LRRC4C: variants seen among roughly 807,000 people sequenced by gnomAD.
LRRC4C encodes the protein leucine rich repeat containing 4C, also known as leucine-rich repeat-containing protein 4C.
In LRRC4C, 5 loss-of-function variants were observed where a neutral mutation model predicts 33.6. That is an observed-to-expected ratio of 0.15 (90% CI 0.08 to 0.31). The LOEUF is 0.31. Among genes scored for constraint, LRRC4C ranks in the 10% least tolerant of loss-of-function variants. The probability of loss-of-function intolerance (pLI) is 1.00; values close to 1 mark genes in which losing one functional copy is unlikely to be tolerated. For synonymous variants in LRRC4C, 329 were observed against 302.0 expected (o/e 1.09, Z -0.93); for missense variants, 560 against 796.7 (o/e 0.70, Z 3.58).
chr11:40,522,465 G>C (rs936947138), intron 3 of LRRC4C, among the ~76,000 whole-genome samples: 1 of 152,148 alleles, frequency 6.6e-6, no homozygotes, highest in Non-Finnish European at 1.5e-5. Context: ...AACTTAAATC[G>C]TGGGGGCAGT....
In LRRC4C at chr11:40,791,982, A is replaced by T. The variant is rs139068492; in HGVS notation, c.-407+141653T>A. Among the ~76,000 whole-genome samples, 126 of 152,040 alleles carry T rather than the reference A, an allele frequency of 8.3e-4. 1 individual carries two copies. The East Asian group carries it at 0.02, about 24-fold the overall frequency. ...GCTACGTAGTCTTTGAACACATTTG[A>T]CATTGAACTAAAAAAAAAAAGTATA... On this transcript the variant is annotated intron_variant, in intron 2 of 6. Coordinates refer to ENST00000528697, the MANE Select transcript of LRRC4C (RefSeq NM_001258419.2).
chr11:40,751,200 A>T (rs1037584250), intron 2 of LRRC4C, among the ~76,000 whole-genome samples: 2 of 152,194 alleles, frequency 1.3e-5, no homozygotes. Context: ...ATCTCTAAGA[A>T]TTGGAACAAG....
chr11:40,695,567 G>A (rs928377108), intron 2 of LRRC4C, among the ~76,000 whole-genome samples: 3 of 152,144 alleles, frequency 2.0e-5, no homozygotes, highest in Non-Finnish European at 2.9e-5. Context: ...CAGTTCTGGA[G>A]GTCAGAAGTC....
chr11:41,447,021 A>G (rs765670054), intron 1 of LRRC4C, among the ~76,000 whole-genome samples: 2 of 152,216 alleles, frequency 1.3e-5, no homozygotes, highest in Admixed American at 6.5e-5. Context: ...GAGAAAAGGA[A>G]GCAGACAGAG....
At chr11:41,250,234 C>G (rs1948596137) in intron 1 of LRRC4C, among the ~76,000 whole-genome samples, 1 of 152,062 alleles carries the variant, frequency 6.6e-6, no homozygotes, top group Admixed American at 6.5e-5. Flanking sequence ...TAATAAGTTC[C>G]AGAATTACCT....
chr11:41,095,774 A>T (rs1312026421), intron 1 of LRRC4C, among the ~76,000 whole-genome samples: 2 of 152,358 alleles, frequency 1.3e-5, no homozygotes, highest in East Asian at 1.9e-4. Flanking sequence ...AGGTGAAGAC[A>T]TATTCTCCAA....
At chr11:40,301,419 GT>G (rs1000468231) in intron 4 of LRRC4C, among the ~76,000 whole-genome samples, 1 of 152,156 alleles carries the variant, frequency 6.6e-6, no homozygotes, top group African/African-American at 2.4e-5. Context: ...GCCCATAAAG[GT>G]ATCTTTAAAA....
chr11:40,895,021 G>A (rs549808886), intron 2 of LRRC4C, among the ~76,000 whole-genome samples: 3 of 151,572 alleles, frequency 2.0e-5, no homozygotes, highest in Non-Finnish European at 2.9e-5. Context: ...TTTATTAATT[G>A]GCTTGATAGC....
intron 3 of LRRC4C, among the ~76,000 whole-genome samples, chr11:40,602,860 C>T (rs994162531): frequency 2.0e-5 from 3 of 152,078 alleles, no homozygotes; most frequent in Non-Finnish European, 4.4e-5. Flanking sequence ...TGCCTCTTAT[C>T]ATGATTTTTG....
intron 2 of LRRC4C, among the ~76,000 whole-genome samples, chr11:40,690,885 T>G (rs1945191470): frequency 6.6e-6 from 1 of 151,904 alleles, no homozygotes; most frequent in African/African-American, 2.4e-5. Flanking sequence ...CCATAAAAAC[T>G]TAAAAGAAGA....
At chr11:40,728,861 C>T (rs72896677) in intron 2 of LRRC4C, among the ~76,000 whole-genome samples, 37,480 of 151,590 alleles carry the variant, frequency 0.25, 4,766 homozygotes, top group Middle Eastern at 0.29. Flanking sequence ...GGTCATTATC[C>T]TCAATGAATT....
chr11:40,518,506 G>A (rs1318362172), intron 3 of LRRC4C, among the ~76,000 whole-genome samples: 1 of 151,952 alleles, frequency 6.6e-6, no homozygotes. Flanking sequence ...ATGAACAAAA[G>A]CTCATCAGTA....
intron 3 of LRRC4C, among the ~76,000 whole-genome samples, chr11:40,428,425 T>C (rs545222844): frequency 3.9e-5 from 6 of 152,336 alleles, no homozygotes; most frequent in African/African-American, 1.4e-4. Flanking sequence ...AAAGCTGATC[T>C]CTAAGCTCTA....
chr11:40,731,280 C>T (rs1947570663), intron 2 of LRRC4C, among the ~76,000 whole-genome samples: 1 of 152,086 alleles, frequency 6.6e-6, no homozygotes, highest in Non-Finnish European at 1.5e-5. Flanking sequence ...GATCACGCCA[C>T]TGCACTCCAG....
intron 3 of LRRC4C, among the ~76,000 whole-genome samples, chr11:40,574,437 T>A (rs1232978001): frequency 6.6e-6 from 1 of 152,072 alleles, no homozygotes; most frequent in Admixed American, 6.5e-5. Context: ...TCTAAATACA[T>A]CTATAGGCGA....
intron 5 of LRRC4C, among the ~76,000 whole-genome samples, chr11:40,177,782 G>A (rs1590626607): frequency 6.6e-6 from 1 of 151,978 alleles, no homozygotes; most frequent in South Asian, 2.1e-4. Context: ...GCATTTTCTG[G>A]TTATTGCTTC....
intron 2 of LRRC4C, among the ~76,000 whole-genome samples, chr11:40,896,847 C>T (rs1326367859): frequency 2.0e-5 from 3 of 152,224 alleles, no homozygotes; most frequent in African/African-American, 4.8e-5. Flanking sequence ...GTCAAGGAGA[C>T]GTATTAAAGC....
chr11:40,667,001 T>C (rs1257292230), intron 2 of LRRC4C, among the ~76,000 whole-genome samples: 1 of 152,194 alleles, frequency 6.6e-6, no homozygotes, highest in Non-Finnish European at 1.5e-5. Context: ...TACTTAATTT[T>C]CCTTCAGAAC....
intron 3 of LRRC4C, among the ~76,000 whole-genome samples, chr11:40,366,945 G>A (rs910568710): frequency 7.2e-5 from 11 of 152,038 alleles, no homozygotes; most frequent in African/African-American, 2.7e-4. Context: ...GGCAATTTGA[G>A]TTGAGTTAGT....
Sources: gnomAD v4.1 joint callset for allele counts (sites outside exome capture counted in the v4.1 genomes callset) on GRCh38, gnomAD v4.1.1 for gene constraint, MANE v1.5 for transcripts, NCBI Gene and HGNC (gene_info 2026-07-23, HGNC 2026-07-21) for gene names.